The following GABRG3 variants were observed in gnomAD, a reference collection of about 807,000 sequenced individuals.
GABRG3 encodes the protein gamma-aminobutyric acid type A receptor subunit gamma3.
In GABRG3, 25 loss-of-function variants were observed where a neutral mutation model predicts 48.8. The ratio of observed to expected loss-of-function variants is 0.51; its 90% CI spans 0.37 to 0.72. The LOEUF is 0.72. Ranked by LOEUF, GABRG3 falls within the 30% of genes least tolerant of loss-of-function variation. The probability of loss-of-function intolerance (pLI) is 0.00; values close to 1 mark genes in which losing one functional copy is unlikely to be tolerated. For missense variants in GABRG3, 394 were observed against 577.9 expected (o/e 0.68, Z 3.26); for synonymous variants, 227 against 217.6 (o/e 1.04, Z -0.38).
intron 3 of GABRG3, among the ~76,000 whole-genome samples, chr15:27,091,832 C>T (rs951885496): frequency 2.0e-5 from 3 of 152,334 alleles, no homozygotes; most frequent in East Asian, 1.9e-4. Context: ...TGTACTGCAT[C>T]GTGGGGCAGA....
chr15:27,098,013 CA>C (rs1392827544), intron 3 of GABRG3, among the ~76,000 whole-genome samples: 3 of 147,486 alleles, frequency 2.0e-5, no homozygotes, highest in Admixed American at 6.8e-5. Flanking sequence ...ACTGTAACAA[CA>C]AAGTCCTGGG....
At position 27,480,884 on chromosome 15, in the gene GABRG3, A is replaced by G. The variant is rs186401684; in HGVS notation, c.712+97A>G. Reference sequence around the variant, plus strand: ...TAATGTACAAGCCTTTTGGGCAACCATGATACATAAGTGATATTTGAGACA... The same window carrying G: ...TAATGTACAAGCCTTTTGGGCAACCGTGATACATAAGTGATATTTGAGACA... On this transcript the variant is annotated intron_variant, in intron 6 of 9. Coordinates refer to ENST00000615808, the MANE Select transcript of GABRG3 (RefSeq NM_033223.5). 1.1e-5 allele frequency: 17 copies of G among 1,492,372 alleles called. No homozygotes were observed. In the East Asian group the frequency reaches 3.1e-4, roughly 27 times the overall value. The allele number at this position is 1,492,372 out of a possible 1,614,324, so 92.4% of individuals were successfully genotyped here. A position where few individuals can be genotyped will look rare whatever the true frequency, so the allele number is the denominator to read the frequency against.
intron 3 of GABRG3, among the ~76,000 whole-genome samples, chr15:27,255,970 T>A (rs1004194499): frequency 2.0e-5 from 3 of 152,244 alleles, no homozygotes; most frequent in Admixed American, 6.5e-5. Context: ...GTTCACTTCT[T>A]AATTCCCAGA....
intron 3 of GABRG3, among the ~76,000 whole-genome samples, chr15:27,188,691 G>C (rs1266819453): frequency 6.6e-6 from 1 of 151,966 alleles, no homozygotes; most frequent in African/African-American, 2.4e-5. Context: ...TGTTCACTCT[G>C]ATGGTAGTTT....
At chr15:27,057,391 CACTT>C (rs754673570) in intron 3 of GABRG3, among the ~76,000 whole-genome samples, 7 of 152,358 alleles carry the variant, frequency 4.6e-5, no homozygotes, top group African/African-American at 1.2e-4. Flanking sequence ...AAGGCATCAA[CACTT>C]ACGGTGATTT....
chr15:27,275,234 C>T (rs779051409), intron 3 of GABRG3, among the ~76,000 whole-genome samples: 1 of 152,094 alleles, frequency 6.6e-6, no homozygotes, highest in Non-Finnish European at 1.5e-5. Flanking sequence ...TTAAAAGTCC[C>T]CAGGTTGTCA....
Position 26,976,866 on chromosome 15 carries a change from G to T in GABRG3, c.54-136G>T. ...CTTTCTTTTTAGAAAATATTTTCGG[G>T]TTTTCACGTGTGTGGTTGGGCTGTG... On this transcript the variant is annotated intron_variant, in intron 1 of 9. Coordinates refer to ENST00000615808, the MANE Select transcript of GABRG3 (RefSeq NM_033223.5). This position sits in a 1 kb window ranked among gnomAD's most constrained non-coding sequence, Gnocchi z 7.8. The T allele has an allele frequency of 2.7e-6, 2 of 749,818 alleles. No individual in the cohort carries two copies. Among genetic ancestry groups the T allele is most frequent in the Non-Finnish European group, 4.4e-6 (2 of 454,460 alleles). 46.4% of individuals were successfully genotyped at this position (749,818 alleles called of 1,614,324 possible).
rs530214647 is a variant in GABRG3, at chr15:27,465,173, G to A, written c.575-15477G>A. ...GTGGAGGGGGGTCTCCCCTTGCCACGTCAGCCCACTTGCCTCAGCAGAGCC... is the reference window on the plus strand; with the variant it reads ...GTGGAGGGGGGTCTCCCCTTGCCACATCAGCCCACTTGCCTCAGCAGAGCC... On this transcript the variant is annotated intron_variant, in intron 5 of 9. Coordinates refer to ENST00000615808, the MANE Select transcript of GABRG3 (RefSeq NM_033223.5). Among the ~76,000 whole-genome samples, 51 of 152,260 alleles carry A rather than the reference G, an allele frequency of 3.3e-4. No homozygotes were observed. In the South Asian group the frequency reaches 6.8e-3, roughly 20 times the overall value.
intron 7 of GABRG3, among the ~76,000 whole-genome samples, chr15:27,521,102 A>G (rs1055018135): frequency 6.6e-6 from 1 of 152,188 alleles, no homozygotes; most frequent in Non-Finnish European, 1.5e-5. Context: ...TACACAAGAC[A>G]TCTAAAGATA....
intron 5 of GABRG3, among the ~76,000 whole-genome samples, chr15:27,466,993 C>T (rs1889632514): frequency 6.6e-6 from 1 of 152,166 alleles, no homozygotes; most frequent in Non-Finnish European, 1.5e-5. Flanking sequence ...TGGCCTGGAA[C>T]ACTGCTGTGC....
intron 3 of GABRG3, among the ~76,000 whole-genome samples, chr15:27,099,168 AAAT>A (rs1395059306): frequency 6.6e-6 from 1 of 152,236 alleles, no homozygotes; most frequent in Non-Finnish European, 1.5e-5. Flanking sequence ...AATTACATCT[AAAT>A]AATGAGGACA....
At chr15:27,197,667 A>T (rs149204350) in intron 3 of GABRG3, among the ~76,000 whole-genome samples, 5 of 152,088 alleles carry the variant, frequency 3.3e-5, no homozygotes, top group Non-Finnish European at 7.4e-5. Flanking sequence ...TGCTTGGCTT[A>T]GTTTTAGAAG....
At chr15:27,475,359 C>G (rs1272293551) in intron 5 of GABRG3, among the ~76,000 whole-genome samples, 1 of 152,162 alleles carries the variant, frequency 6.6e-6, no homozygotes. Flanking sequence ...TATTGTGAGA[C>G]TTACCATATA....
chr15:26,982,403 G>A (rs943391964), intron 2 of GABRG3, among the ~76,000 whole-genome samples: 6 of 152,280 alleles, frequency 3.9e-5, no homozygotes, highest in African/African-American at 1.2e-4. Context: ...GTAGAAAATT[G>A]CAAATGGGGA....
intron 6 of GABRG3, among the ~76,000 whole-genome samples, chr15:27,489,977 T>C (rs1053922741): frequency 6.6e-6 from 1 of 152,158 alleles, no homozygotes; most frequent in Non-Finnish European, 1.5e-5. Flanking sequence ...ATTTCCTAGG[T>C]TTTCTTCTAG....
rs112443227 is a variant in GABRG3, at chr15:27,156,787, G to A, written c.270+129966G>A. On this transcript the variant is annotated intron_variant, in intron 3 of 9. Transcript: ENST00000615808. ...GAAGGTGATCAGCAGTCAGAGTTTT[G>A]TTCAGCAATAGGGCCATGAACATTT... Among the ~76,000 whole-genome samples the A allele has an allele frequency of 2.0e-5, 3 of 152,126 alleles. No individual in the cohort carries two copies. In the South Asian group the frequency reaches 6.2e-4, roughly 32 times the overall value.
chr15:27,234,020 G>T (rs1889882638), intron 3 of GABRG3, among the ~76,000 whole-genome samples: 1 of 152,074 alleles, frequency 6.6e-6, no homozygotes, highest in African/African-American at 2.4e-5. Flanking sequence ...TATGGGAGAG[G>T]GAGCTTTAGA....
At chr15:27,170,675 AGG>A (rs1887538377) in intron 3 of GABRG3, among the ~76,000 whole-genome samples, 1 of 152,224 alleles carries the variant, frequency 6.6e-6, no homozygotes, top group Admixed American at 6.5e-5. Context: ...TTCCCAGTGG[AGG>A]TATCAGTGCT....
chr15:27,292,183 A>G (rs1891815400), intron 3 of GABRG3, among the ~76,000 whole-genome samples: 1 of 149,594 alleles, frequency 6.7e-6, no homozygotes, highest in Non-Finnish European at 1.5e-5. Context: ...TATCCAGTCT[A>G]TCATTGATGG....
Sources: allele counts gnomAD v4.1 joint callset (sites outside exome capture counted in the v4.1 genomes callset), GRCh38; gene constraint gnomAD v4.1.1; non-coding constraint Gnocchi (gnomAD v3.1); transcripts MANE v1.5; gene names NCBI Gene and HGNC (gene_info 2026-07-23, HGNC 2026-07-21).